The following PTPRU variants were observed in gnomAD, a reference collection of about 807,000 sequenced individuals.
The protein encoded by PTPRU is protein tyrosine phosphatase receptor type U, also known as receptor-type tyrosine-protein phosphatase U.
In PTPRU, 69 loss-of-function variants were observed where a neutral mutation model predicts 166.3. The observed-to-expected ratio is 0.41, with a 90% CI of 0.34 to 0.51. The LOEUF is 0.51. Ranked by LOEUF, PTPRU falls within the 20% of genes least tolerant of loss-of-function variation. PTPRU has a pLI of 0.09. For missense variants in PTPRU, 1,657 were observed against 2,013.7 expected (o/e 0.82, Z 3.39); for synonymous variants, 793 against 814.0 (o/e 0.97, Z 0.44).
Position 29,311,776 on chromosome 1 carries a change from C to T in PTPRU, c.3072+17C>T, listed in dbSNP as rs1417863190. On this transcript the variant is annotated intron_variant, in intron 21 of 29. Transcript: ENST00000373779. This position sits in a 1 kb window ranked among gnomAD's most constrained non-coding sequence, Gnocchi z 4.1. The stretch of plus-strand genomic sequence containing the variant: ...CTGGAGCGGGTGAGTCTCCCCACCG[C>T]CTGTTCCCTGCAGAGGGTGCCTGAG... The T allele has an allele frequency of 6.2e-7, 1 of 1,605,876 alleles. No individual in the cohort carries two copies. The highest frequency in any genetic ancestry group is 1.7e-5 in the Admixed American group (1 of 59,902).
chr1:29,256,216 T>TGAGGGTC (rs1415546374), intron 2 of PTPRU, among the ~76,000 whole-genome samples: 3 of 152,190 alleles, frequency 2.0e-5, no homozygotes, highest in African/African-American at 7.2e-5. Flanking sequence ...TTGCTATGGT[T>TGAGGGTC]GAGGGTCTTT....
chr1:29,325,029 T>C (rs77588794), intron 28 of PTPRU, among the ~76,000 whole-genome samples, 162 bp from the exon 29 acceptor site: 2,605 of 151,248 alleles, frequency 0.017, 59 homozygotes, highest in African/African-American at 0.059. Context: ...CTGTGTTCTC[T>C]AACTCCGCCC....
At position 29,317,864 on chromosome 1, in the gene PTPRU, C is replaced by T. The variant is rs375648175; in HGVS notation, c.3630C>T (p.Pro1210=). The T allele has an allele frequency of 1.2e-6, 2 of 1,614,090 alleles. No individual in the cohort carries two copies. The highest frequency in any genetic ancestry group is 1.7e-6 in the Non-Finnish European group (2 of 1,180,042). The change falls in exon 25 of 30, where the codon CCC becomes CCT. Residue 1210 remains proline, a synonymous_variant. Transcript: ENST00000373779. This position sits in a 1 kb window ranked among gnomAD's most constrained non-coding sequence, Gnocchi z 5.6. ...TCCTGCCGCCCGACCGCTGCCTGCC[C>T]TTCCTCATCTCCACTGATGGGGACT... ...MDVLPPDRCL[P]FLISTDGDSN... is the part of the protein sequence containing the mutation.
intron 16 of PTPRU, 60 bp downstream of exon 16, chr1:29,304,105 C>A (rs994602473): frequency 6.5e-6 from 10 of 1,541,298 alleles, no homozygotes; most frequent in Non-Finnish European, 7.9e-6. Flanking sequence ...CTCTTACTCT[C>A]TGTGGACTCT....
intron 25 of PTPRU, among the ~76,000 whole-genome samples, chr1:29,319,029 C>T (rs1688028607): frequency 1.3e-5 from 2 of 152,112 alleles, no homozygotes; most frequent in South Asian, 4.1e-4. Flanking sequence ...GGTAACCACC[C>T]AGGGGGCTTC....
chr1:29,258,946 A>G (rs865985375), intron 3 of PTPRU, among the ~76,000 whole-genome samples, 170 bp downstream of exon 3: 1 of 152,216 alleles, frequency 6.6e-6, no homozygotes, highest in African/African-American at 2.4e-5. Context: ...TGGGTTCAGC[A>G]TCTGAGGTCA....
Position 29,260,195 on chromosome 1 carries a change from G to A in PTPRU, c.850+151G>A. 1 of 921,458 alleles carries A rather than the reference G, an allele frequency of 1.1e-6. No homozygotes were observed. 57.1% of individuals were successfully genotyped at this position (921,458 alleles called of 1,614,324 possible). A position where few individuals can be genotyped will look rare whatever the true frequency, so the allele number is the denominator to read the frequency against. On this transcript the variant is annotated intron_variant, in intron 6 of 29. Transcript: ENST00000373779. This position sits in a 1 kb window ranked among gnomAD's most constrained non-coding sequence, Gnocchi z 8.3. ...TATCTGAAGATGGGCCTGTGGAAATGGCAGTGGCCCAGCCGGGATGAGATC... is the reference window on the plus strand; with the variant it reads ...TATCTGAAGATGGGCCTGTGGAAATAGCAGTGGCCCAGCCGGGATGAGATC...
chr1:29,237,236 T>C lies in PTPRU; in HGVS notation c.73+519T>C, dbSNP rs1332743382. On this transcript the variant is annotated intron_variant, in intron 1 of 29. Transcript: ENST00000373779. The surrounding 1 kb of genome is among the most constrained non-coding windows in gnomAD (Gnocchi z 6.4). ...GATCCGGGAACGCGTGTGTGGCGTGTGTGCTTTTGAGATCCGTGTACATGT... is the reference window on the plus strand; with the variant it reads ...GATCCGGGAACGCGTGTGTGGCGTGCGTGCTTTTGAGATCCGTGTACATGT... 6.8e-6 allele frequency among the ~76,000 whole-genome samples: 1 copy of C among 146,528 alleles called. No homozygotes were observed. The highest frequency in any genetic ancestry group is 1.5e-5 in the Non-Finnish European group (1 of 66,068).
At chr1:29,319,479 TCAGA>T (rs1414964267) in intron 25 of PTPRU, among the ~76,000 whole-genome samples, 3 of 152,282 alleles carry the variant, frequency 2.0e-5, no homozygotes, top group Admixed American at 1.3e-4. Flanking sequence ...GCCCCATTTC[TCAGA>T]CAGGCCCTGA....
At chr1:29,314,659 C>G (rs542296767) in intron 22 of PTPRU, among the ~76,000 whole-genome samples, 8 of 151,940 alleles carry the variant, frequency 5.3e-5, no homozygotes, top group African/African-American at 1.9e-4. Flanking sequence ...TTCACTGCAA[C>G]CTCCATCTCC....
Position 29,260,205 on chromosome 1 carries a change from C to T in PTPRU, c.850+161C>T, listed in dbSNP as rs1684990735. On this transcript the variant is annotated intron_variant, in intron 6 of 29. Transcript: ENST00000373779. This position sits in a 1 kb window ranked among gnomAD's most constrained non-coding sequence, Gnocchi z 8.3. Reference sequence around the variant, plus strand: ...TGGGCCTGTGGAAATGGCAGTGGCCCAGCCGGGATGAGATCTGATCTAGGG... The same window carrying T: ...TGGGCCTGTGGAAATGGCAGTGGCCTAGCCGGGATGAGATCTGATCTAGGG... 5.9e-6 allele frequency: 5 copies of T among 846,520 alleles called. No homozygotes were observed. Among genetic ancestry groups the T allele is most frequent in the Non-Finnish European group, 8.2e-6 (5 of 606,132 alleles). 52.4% of individuals were successfully genotyped at this position (846,520 alleles called of 1,614,324 possible).
chr1:29,323,363 A>T lies in PTPRU; in HGVS notation c.3829-8A>T, dbSNP rs774376477. On this transcript the variant is annotated splice_region_variant and splice_polypyrimidine_tract_variant and intron_variant, in intron 26 of 29. Transcript: ENST00000373779. ...ACTCAGCTCTCCCCTCTCCGTGCTT[A>T]TGCCCAGCCCTGCCTGCAGTACTGG... 2 of 1,604,754 alleles carry T rather than the reference A, an allele frequency of 1.2e-6. No homozygotes were observed. The highest frequency in any genetic ancestry group is 1.7e-6 in the Non-Finnish European group (2 of 1,175,864).
Position 29,311,200 on chromosome 1 carries a change from C to T in PTPRU, c.2858-256C>T. ...CCCTCCTGGACACTCATGCCATTGCCCAACCATCTGGTCCTCCTCCAGGGT... is the reference window on the plus strand; with the variant it reads ...CCCTCCTGGACACTCATGCCATTGCTCAACCATCTGGTCCTCCTCCAGGGT... On this transcript the variant is annotated intron_variant, in intron 19 of 29. Transcript: ENST00000373779. This position sits in a 1 kb window ranked among gnomAD's most constrained non-coding sequence, Gnocchi z 4.1. 1.7e-6 allele frequency: 1 copy of T among 587,764 alleles called. No individual in the cohort carries two copies. Among genetic ancestry groups the T allele is most frequent in the Non-Finnish European group, 3.0e-6 (1 of 329,320 alleles). The allele number at this position is 587,764 out of a possible 1,614,324, so 36.4% of individuals were successfully genotyped here. A position where few individuals can be genotyped will look rare whatever the true frequency, so the allele number is the denominator to read the frequency against.
chr1:29,319,157 C>T (rs1346404204), intron 25 of PTPRU, among the ~76,000 whole-genome samples: 1 of 152,158 alleles, frequency 6.6e-6, no homozygotes, highest in Admixed American at 6.5e-5. Flanking sequence ...CACATGCTCG[C>T]CGGGGGACAT....
chr1:29,249,520 C>T (rs1359917597), intron 1 of PTPRU, among the ~76,000 whole-genome samples: 1 of 152,242 alleles, frequency 6.6e-6, no homozygotes, highest in Non-Finnish European at 1.5e-5. Context: ...GGCAGGCATT[C>T]TCCCTGTTCC....
intron 22 of PTPRU, among the ~76,000 whole-genome samples, chr1:29,314,864 C>T (rs931405295): frequency 6.6e-6 from 1 of 152,166 alleles, no homozygotes; most frequent in African/African-American, 2.4e-5. Flanking sequence ...CAGGCCTGAG[C>T]CACCGTGCCT....
Position 29,325,792 on chromosome 1 carries a change from GGCTATCTT to G in PTPRU, c.*135_*142del. 9.6e-7 allele frequency: 1 copy of G among 1,038,004 alleles called. No homozygotes were observed. The highest frequency in any genetic ancestry group is 1.4e-6 in the Non-Finnish European group (1 of 733,150). 64.3% of individuals were successfully genotyped at this position (1,038,004 alleles called of 1,614,324 possible). A position where few individuals can be genotyped will look rare whatever the true frequency, so the allele number is the denominator to read the frequency against. ...GGGGCAAGCACTGGAGTGGATGCTG[GGCTATCTT>G]GCTCCCCCTTCCACTGTGGGCAGGG... On this transcript the variant is annotated 3_prime_UTR_variant, in exon 30 of 30. Transcript: ENST00000373779.
intron 22 of PTPRU, among the ~76,000 whole-genome samples, chr1:29,313,050 G>A (rs1687741527): frequency 6.6e-6 from 1 of 152,176 alleles, no homozygotes; most frequent in South Asian, 2.1e-4. Context: ...CCGCGTGCTA[G>A]GCCTGGCCTG....
In PTPRU at chr1:29,275,719, A is replaced by G; in HGVS notation, c.1416A>G (p.Lys472=). ...TCCTCACTAACCCTGAGGGGCGCAA[A>G]GAGGGCAAGGAGGTCACTTTCCAGA... ...RLVLTNPEGR[K]EGKEVTFQTD... Residue 472 remains lysine, a synonymous_variant, in exon 8 of 30, where the codon AAA becomes AAG. Transcript: ENST00000373779. The G allele has an allele frequency of 6.2e-7, 1 of 1,614,212 alleles. No homozygotes were observed. Among genetic ancestry groups the G allele is most frequent in the Admixed American group, 1.7e-5 (1 of 60,018 alleles).
Sources: gnomAD v4.1 joint callset for allele counts (sites outside exome capture counted in the v4.1 genomes callset) on GRCh38, gnomAD v4.1.1 for gene constraint, Gnocchi (gnomAD v3.1) non-coding constraint, MANE v1.5 for transcripts, NCBI Gene and HGNC (gene_info 2026-07-23, HGNC 2026-07-21) for gene names.